RALGAPA1: variants seen among roughly 807,000 people sequenced by gnomAD.
RALGAPA1 encodes ral GTPase-activating protein subunit alpha-1.
Under a neutral mutation model 269.6 loss-of-function variants are expected in RALGAPA1, and 52 were observed. The ratio of observed to expected loss-of-function variants is 0.19; its 90% CI spans 0.15 to 0.24. The LOEUF (loss-of-function observed/expected upper bound fraction) is 0.24, where lower values mean the gene tolerates loss of function less well. Among genes scored for constraint, RALGAPA1 ranks in the 10% least tolerant of loss-of-function variants. The probability of loss-of-function intolerance (pLI) is 1.00; values close to 1 mark genes in which losing one functional copy is unlikely to be tolerated. For missense variants in RALGAPA1, 1,917 were observed against 3,013.9 expected (o/e 0.64, Z 8.52); for synonymous variants, 817 against 1,008.3 (o/e 0.81, Z 3.60).
intron 1 of RALGAPA1, among the ~76,000 whole-genome samples, chr14:35,805,477 C>T (rs1399137767): frequency 6.7e-6 from 1 of 150,116 alleles, no homozygotes; most frequent in African/African-American, 2.4e-5. Flanking sequence ...CATAAAATGA[C>T]CGTACTGCAT....
At chr14:35,761,679 C>T (rs920720680) in intron 5 of RALGAPA1, among the ~76,000 whole-genome samples, 3 of 152,150 alleles carry the variant, frequency 2.0e-5, no homozygotes, top group African/African-American at 7.2e-5. Flanking sequence ...TGAACATTCT[C>T]TCAGCATAAA....
chr14:35,616,562 C>T (rs796313450), intron 35 of RALGAPA1, among the ~76,000 whole-genome samples: 15 of 152,094 alleles, frequency 9.9e-5, no homozygotes, highest in African/African-American at 3.6e-4. Context: ...AAGAATGAGC[C>T]CTAATGTAAA....
At chr14:35,541,131 CA>C (rs1199041350) in intron 41 of RALGAPA1, among the ~76,000 whole-genome samples, 1 of 146,288 alleles carries the variant, frequency 6.8e-6, no homozygotes, top group Non-Finnish European at 1.5e-5. Context: ...CTGCAATCTC[CA>C]CTGCCCGGGT....
intron 39 of RALGAPA1, among the ~76,000 whole-genome samples, chr14:35,556,366 T>A (rs1181556593): frequency 6.6e-6 from 1 of 152,200 alleles, no homozygotes; most frequent in East Asian, 1.9e-4. Flanking sequence ...AAGCAAGATC[T>A]GATAAATTAA....
chr14:35,627,059 A>AG (rs764024359), intron 34 of RALGAPA1, 31 bp downstream of exon 34: 2 of 1,446,664 alleles, frequency 1.4e-6, no homozygotes, highest in Middle Eastern at 1.9e-4. Flanking sequence ...GAAAAAAAAA[A>AG]AAAAAGAAAA....
chr14:35,673,045 A>G, intron 24 of RALGAPA1, 23 bp from the exon 25 acceptor site: 3 of 1,396,670 alleles, frequency 2.1e-6, no homozygotes, highest in Non-Finnish European at 2.8e-6. Context: ...GATCAGTTTT[A>G]ATGTTCAAAA....
At chr14:35,546,654 T>A (rs2054487584) in intron 41 of RALGAPA1, among the ~76,000 whole-genome samples, 1 of 152,088 alleles carries the variant, frequency 6.6e-6, no homozygotes, top group Non-Finnish European at 1.5e-5. Context: ...GATTTTTCAA[T>A]TGCAATTATG....
At chr14:35,595,226 A>C (rs1358241708) in intron 37 of RALGAPA1, among the ~76,000 whole-genome samples, 1 of 151,946 alleles carries the variant, frequency 6.6e-6, no homozygotes, top group Non-Finnish European at 1.5e-5. Context: ...AAGTCTAGAG[A>C]TTTAACGCAC....
chr14:35,668,376 G>A (rs771998554), intron 26 of RALGAPA1, among the ~76,000 whole-genome samples: 11 of 152,168 alleles, frequency 7.2e-5, no homozygotes, highest in Admixed American at 3.3e-4. Flanking sequence ...CCAGCTATTC[G>A]GGAGGCTGAG....
At chr14:35,737,459 G>T (rs2071108123) in intron 12 of RALGAPA1, among the ~76,000 whole-genome samples, 1 of 151,846 alleles carries the variant, frequency 6.6e-6, no homozygotes, top group African/African-American at 2.4e-5. Context: ...AAAAATACAT[G>T]TATAAGAATG....
intron 27 of RALGAPA1, among the ~76,000 whole-genome samples, chr14:35,660,962 G>A (rs2063501817): frequency 6.6e-6 from 1 of 152,144 alleles, no homozygotes; most frequent in African/African-American, 2.4e-5. Flanking sequence ...CAGGGGCTAG[G>A]GAGTGGGTGA....
At chr14:35,693,620 AATTAAATGTTAATCTAAAGC>A (rs1249146615) in intron 17 of RALGAPA1, among the ~76,000 whole-genome samples, 4 of 152,042 alleles carry the variant, frequency 2.6e-5, no homozygotes, top group African/African-American at 7.2e-5. Flanking sequence ...TAGTCTTTTC[AATTAAATGTTAATCTAAAGC>A]ATTAGAAACC....
intron 41 of RALGAPA1, among the ~76,000 whole-genome samples, chr14:35,544,518 T>C (rs2054284892): frequency 6.6e-6 from 1 of 152,214 alleles, no homozygotes; most frequent in South Asian, 2.1e-4. Context: ...GCACAATTAT[T>C]ATTTTATTAT....
chr14:35,636,978 T>G (rs1425518156), intron 31 of RALGAPA1, among the ~76,000 whole-genome samples: 1 of 151,846 alleles, frequency 6.6e-6, no homozygotes, highest in Non-Finnish European at 1.5e-5. Flanking sequence ...TCTAAAACCA[T>G]GCCAGAAAGA....
intron 39 of RALGAPA1, among the ~76,000 whole-genome samples, chr14:35,556,096 G>T (rs1042778346): frequency 3.3e-5 from 5 of 152,000 alleles, no homozygotes; most frequent in African/African-American, 1.2e-4. Context: ...GTTTTAAAAG[G>T]CCTTGAAATA....
intron 16 of RALGAPA1, among the ~76,000 whole-genome samples, chr14:35,719,966 C>A (rs543608944): frequency 3.3e-5 from 5 of 152,248 alleles, no homozygotes; most frequent in African/African-American, 9.6e-5. Context: ...GTTGGTCAGG[C>A]TGGTCTCGAA....
chr14:35,591,917 G>T (rs577970492), intron 37 of RALGAPA1, among the ~76,000 whole-genome samples: 109 of 152,272 alleles, frequency 7.2e-4, no homozygotes, highest in Non-Finnish European at 1.1e-3. Context: ...TGGTTTTAAA[G>T]TGTGGCACTT....
chr14:35,617,401 T>G lies in RALGAPA1; in HGVS notation c.6929+7960A>C, dbSNP rs1226954097. ...GGGAGGCTGAGGCAGGCAGATCGCT[T>G]GAGGTCAGGAGTTCGAGACCAGCTT... On this transcript the variant is annotated intron_variant, in intron 35 of 41. Transcript: ENST00000680220. Among the ~76,000 whole-genome samples, 3 of 152,096 alleles carry G rather than the reference T, an allele frequency of 2.0e-5. No individual in the cohort carries two copies. The East Asian group carries it at 5.8e-4, about 29-fold the overall frequency.
intron 35 of RALGAPA1, among the ~76,000 whole-genome samples, chr14:35,608,112 G>A (rs976770212): frequency 2.0e-5 from 3 of 152,258 alleles, no homozygotes; most frequent in Admixed American, 6.5e-5. Flanking sequence ...GCATACCCAA[G>A]GATGTACCCT....
Sources: allele counts gnomAD v4.1 joint callset (sites outside exome capture counted in the v4.1 genomes callset), GRCh38; gene constraint gnomAD v4.1.1; transcripts MANE v1.5; gene names NCBI Gene and HGNC (gene_info 2026-07-23, HGNC 2026-07-21).